Variants in CLSTN2 observed in about 807,000 individuals in gnomAD.
CLSTN2 encodes calsyntenin 2.
Under a neutral mutation model 101.2 loss-of-function variants are expected in CLSTN2, and 48 were observed. That is an observed-to-expected ratio of 0.47 (90% CI 0.38 to 0.60). CLSTN2 has a LOEUF of 0.60. Among genes scored for constraint, CLSTN2 ranks in the 20% least tolerant of loss-of-function variants. The pLI is 0.00. For synonymous variants in CLSTN2, 481 were observed against 463.6 expected (o/e 1.04, Z -0.48); for missense variants, 1,160 against 1,238.2 (o/e 0.94, Z 0.95).
chr3:140,251,319 T>A (rs138127469), intron 2 of CLSTN2, among the ~76,000 whole-genome samples: 196 of 152,274 alleles, frequency 1.3e-3, no homozygotes, highest in African/African-American at 4.3e-3. Context: ...ATCATAAGTG[T>A]CTCCTTCTAT....
intron 8 of CLSTN2, among the ~76,000 whole-genome samples, chr3:140,531,158 C>G (rs1935248105): frequency 6.6e-6 from 1 of 152,100 alleles, no homozygotes; most frequent in Non-Finnish European, 1.5e-5. Flanking sequence ...GAAACTGGGT[C>G]AGGACCTCTC....
In CLSTN2 at chr3:140,092,941, G is replaced by T. The variant is rs994566716; in HGVS notation, c.110-83010G>T. On this transcript the variant is annotated intron_variant, in intron 1 of 16. Coordinates refer to ENST00000458420, the MANE Select transcript of CLSTN2 (RefSeq NM_022131.3). ...CAGATGGCCAAGAACAAGGATGAGG[G>T]GTGAGTGGATGGAGGGTGCTGATCA... Among the ~76,000 whole-genome samples the T allele has an allele frequency of 1.3e-4, 20 of 152,168 alleles. 1 individual carries two copies. Among genetic ancestry groups the T allele is most frequent in the Admixed American group, 1.2e-3 (19 of 15,284 alleles).
At chr3:140,228,846 A>G (rs1379414717) in intron 2 of CLSTN2, among the ~76,000 whole-genome samples, 2 of 152,206 alleles carry the variant, frequency 1.3e-5, no homozygotes, top group Non-Finnish European at 2.9e-5. Flanking sequence ...AGAGCAGGAA[A>G]GACCCGCCCC....
chr3:140,100,345 A>G (rs189732834), intron 1 of CLSTN2, among the ~76,000 whole-genome samples: 5 of 152,022 alleles, frequency 3.3e-5, no homozygotes, highest in African/African-American at 4.8e-5. Context: ...TCCGATCCCA[A>G]TCCCCTTGGC....
chr3:140,084,768 T>C (rs1353839927), intron 1 of CLSTN2, among the ~76,000 whole-genome samples: 2 of 152,094 alleles, frequency 1.3e-5, no homozygotes, highest in African/African-American at 4.8e-5. Flanking sequence ...CCCCAGCAGA[T>C]ACTTGAATCT....
At chr3:140,226,505 A>G (rs1576474230) in intron 2 of CLSTN2, among the ~76,000 whole-genome samples, 1 of 152,354 alleles carries the variant, frequency 6.6e-6, no homozygotes, top group Non-Finnish European at 1.5e-5. Context: ...ATAGATGGAT[A>G]GATATGGGAT....
At chr3:140,182,909 C>G (rs914685872) in intron 2 of CLSTN2, among the ~76,000 whole-genome samples, 1 of 152,074 alleles carries the variant, frequency 6.6e-6, no homozygotes, top group Non-Finnish European at 1.5e-5. Context: ...TCTGAGGGCA[C>G]AAAGCCCATG....
At chr3:140,166,274 G>A (rs548551264) in intron 1 of CLSTN2, among the ~76,000 whole-genome samples, 3 of 152,170 alleles carry the variant, frequency 2.0e-5, no homozygotes, top group Non-Finnish European at 4.4e-5. Flanking sequence ...TACCCCAAGG[G>A]TCCAGTATCT....
intron 8 of CLSTN2, among the ~76,000 whole-genome samples, chr3:140,518,127 G>A (rs11928818): frequency 0.041 from 6,280 of 152,216 alleles, 171 homozygotes; most frequent in Middle Eastern, 0.065. Flanking sequence ...TAGCCCAAAA[G>A]GCCAGTCTCA....
At chr3:140,537,639 C>A (rs349544) in intron 9 of CLSTN2, among the ~76,000 whole-genome samples, 1 of 152,208 alleles carries the variant, frequency 6.6e-6, no homozygotes, top group East Asian at 1.9e-4. Flanking sequence ...TGAGTCAGAT[C>A]CTCCTGGCTT....
At chr3:140,372,804 G>A (rs2087872887) in intron 2 of CLSTN2, among the ~76,000 whole-genome samples, 1 of 152,192 alleles carries the variant, frequency 6.6e-6, no homozygotes, top group South Asian at 2.1e-4. Flanking sequence ...GTATACTAAA[G>A]GTTCTGGCTC....
intron 2 of CLSTN2, among the ~76,000 whole-genome samples, chr3:140,326,038 T>C (rs573690915): frequency 1.3e-5 from 2 of 152,348 alleles, no homozygotes; most frequent in South Asian, 4.1e-4. Flanking sequence ...CTTTTCACAC[T>C]CCTACCCCAC....
At chr3:140,432,654 C>T (rs1182435206) in intron 5 of CLSTN2, among the ~76,000 whole-genome samples, 3 of 152,186 alleles carry the variant, frequency 2.0e-5, no homozygotes. Flanking sequence ...GATTTACCTA[C>T]TCAATGGTAT....
Position 140,211,704 on chromosome 3 carries a change from C to A in CLSTN2, c.232+35631C>A, listed in dbSNP as rs75846472. 5.1e-3 allele frequency among the ~76,000 whole-genome samples: 781 copies of A among 151,960 alleles called. 4 individuals carry two copies. The highest frequency in any genetic ancestry group is 0.018 in the African/African-American group (737 of 41,476). ...ATACACATTTAACTTACTTGAATGA[C>A]ACCATATTTGAATAGGAAGAAACCT... On this transcript the variant is annotated intron_variant, in intron 2 of 16. Transcript: ENST00000458420.
intron 2 of CLSTN2, among the ~76,000 whole-genome samples, chr3:140,253,912 G>C (rs117232345): frequency 6.6e-5 from 10 of 152,070 alleles, no homozygotes; most frequent in African/African-American, 2.2e-4. Flanking sequence ...TGAACTGTTA[G>C]GGCTGTGCTC....
chr3:139,954,701 A>G (rs1311287164), intron 1 of CLSTN2, among the ~76,000 whole-genome samples: 2 of 152,170 alleles, frequency 1.3e-5, no homozygotes, highest in African/African-American at 4.8e-5. Flanking sequence ...TTTGCAAAGC[A>G]CTTACCTCTG....
rs2088268838 is a variant in CLSTN2, at chr3:140,403,631, G to A, written c.235G>A (p.Glu79Lys). The change falls in exon 3 of 17, where the codon GAA (glutamate) becomes AAA (lysine). Residue 79 changes from glutamate to lysine, a missense_variant and splice_region_variant. Glu to Lys is a moderately conservative substitution (Grantham distance 56, BLOSUM62 1). Transcript: ENST00000458420. ...DKDAPVPFAGEICAFKIHGQE... is the reference protein window; with the variant it reads ...DKDAPVPFAGKICAFKIHGQE... ...CACTGTTTTCCATCCTTCTGCAGGG[G>A]AAATCTGTGCGTTCAAGATCCATGG... 6.2e-7 allele frequency: 1 copy of A among 1,607,330 alleles called. No homozygotes were observed. Among genetic ancestry groups the A allele is most frequent in the East Asian group, 2.2e-5 (1 of 44,790 alleles).
intron 1 of CLSTN2, among the ~76,000 whole-genome samples, chr3:139,988,132 C>A (rs935617711): frequency 3.3e-5 from 5 of 152,152 alleles, no homozygotes; most frequent in Admixed American, 2.0e-4. Context: ...TTGCTGAGTG[C>A]GGCTGGAGCT....
chr3:140,415,486 CAAAAAA>C (rs751616049), intron 4 of CLSTN2, among the ~76,000 whole-genome samples: 3 of 56,868 alleles, frequency 5.3e-5, no homozygotes, highest in African/African-American at 7.7e-5. Flanking sequence ...CACAAAATAG[CAAAAAA>C]AAAAAAAAAA....
Sources: gnomAD v4.1 joint callset for allele counts (sites outside exome capture counted in the v4.1 genomes callset) on GRCh38, gnomAD v4.1.1 for gene constraint, MANE v1.5 for transcripts, NCBI Gene and HGNC (gene_info 2026-07-23, HGNC 2026-07-21) for gene names.